FSTL5: variants seen among roughly 807,000 people sequenced by gnomAD.
FSTL5 encodes follistatin-related protein 5.
FSTL5 carries 62 observed loss-of-function variants against 89.1 expected under a neutral mutation model. That is an observed-to-expected ratio of 0.70 (90% CI 0.57 to 0.86). The LOEUF is 0.86. Ranked by LOEUF, FSTL5 falls within the 40% of genes least tolerant of loss-of-function variation. The pLI is 0.00. For missense variants in FSTL5, 1,057 were observed against 1,001.6 expected (o/e 1.06, Z -0.75); for synonymous variants, 383 against 346.2 (o/e 1.11, Z -1.18).
At chr4:162,142,586 C>G in intron 1 of FSTL5, among the ~76,000 whole-genome samples, 1 of 151,930 alleles carries the variant, frequency 6.6e-6, no homozygotes, top group African/African-American at 2.4e-5. Context: ...ACAATAGCAC[C>G]ATTCTTTCAT....
intron 3 of FSTL5, among the ~76,000 whole-genome samples, chr4:161,985,534 T>A (rs359488): frequency 0.57 from 87,063 of 151,606 alleles, 25,486 homozygotes; most frequent in Non-Finnish European, 0.62. Context: ...AAATACAATG[T>A]CTCCAAGTTT....
intron 3 of FSTL5, among the ~76,000 whole-genome samples, chr4:161,984,479 G>A (rs908305372): frequency 2.0e-5 from 3 of 152,152 alleles, no homozygotes; most frequent in Admixed American, 6.6e-5. Flanking sequence ...ATCTCGACGA[G>A]AAGGTATAAA....
intron 6 of FSTL5, among the ~76,000 whole-genome samples, chr4:161,682,069 A>G (rs1292070974): frequency 6.6e-6 from 1 of 152,188 alleles, no homozygotes; most frequent in African/African-American, 2.4e-5. Flanking sequence ...AACACAATGG[A>G]CAGCATTTGT....
intron 13 of FSTL5, 129 bp from the exon 14 acceptor site, chr4:161,459,448 T>A (rs1257615911): frequency 1.8e-6 from 1 of 551,728 alleles, no homozygotes; most frequent in Non-Finnish European, 3.2e-6. Context: ...ATAATTTCCT[T>A]AGCCCTTATT....
intron 2 of FSTL5, among the ~76,000 whole-genome samples, chr4:162,092,210 T>G (rs1313125133): frequency 6.6e-6 from 1 of 152,168 alleles, no homozygotes; most frequent in African/African-American, 2.4e-5. Flanking sequence ...TATTGAAATG[T>G]ACCAGGCATC....
At chr4:162,107,491 C>T (rs1731269365) in intron 2 of FSTL5, among the ~76,000 whole-genome samples, 1 of 152,092 alleles carries the variant, frequency 6.6e-6, no homozygotes, top group Admixed American at 6.6e-5. Flanking sequence ...CACAAATGCA[C>T]AAGACTGTCA....
rs559887307 is a variant in FSTL5, at chr4:161,550,044, A to G, written c.1016-7351T>C. On this transcript the variant is annotated intron_variant, in intron 8 of 15. Transcript: ENST00000306100. ...GGCCTGTTAGTTCCCTTTCCCAGCT[A>G]TACTCTGGGAATATTAAACTAGCTT... 2.7e-3 allele frequency among the ~76,000 whole-genome samples: 409 copies of G among 151,990 alleles called. 1 individual carries two copies. The highest frequency in any genetic ancestry group is 9.6e-3 in the African/African-American group (399 of 41,518).
intron 10 of FSTL5, among the ~76,000 whole-genome samples, chr4:161,512,460 A>G (rs1270290973): frequency 6.6e-6 from 1 of 152,090 alleles, no homozygotes; most frequent in Non-Finnish European, 1.5e-5. Flanking sequence ...TGTTGGGTGG[A>G]TTAGACATTG....
chr4:161,391,087 C>T (rs1029291857), intron 15 of FSTL5, among the ~76,000 whole-genome samples: 4 of 152,126 alleles, frequency 2.6e-5, no homozygotes, highest in African/African-American at 9.7e-5. Flanking sequence ...ACACTCTATC[C>T]TGTTATAAAA....
intron 3 of FSTL5, among the ~76,000 whole-genome samples, chr4:162,002,206 C>T (rs1309651918): frequency 6.6e-6 from 1 of 152,094 alleles, no homozygotes. Flanking sequence ...TGTTTCATAG[C>T]TACAATTAGC....
rs140423809 is a variant in FSTL5 at position 162,088,787 on chromosome 4, C to A, written c.126+22484G>T. On this transcript the variant is annotated intron_variant, in intron 2 of 15. Coordinates refer to ENST00000306100, the MANE Select transcript of FSTL5 (RefSeq NM_020116.5). ...TTTCTCCAGAACTATAAATGAGTAA[C>A]ATTTATAGTTCTCAAATGTTTAAGT... Among the ~76,000 whole-genome samples, 402 of 152,134 alleles carry A rather than the reference C, an allele frequency of 2.6e-3. 2 individuals carry two copies. The highest frequency in any genetic ancestry group is 9.3e-3 in the African/African-American group (387 of 41,518).
chr4:161,825,784 C>T (rs572593487), intron 4 of FSTL5, among the ~76,000 whole-genome samples: 2 of 152,012 alleles, frequency 1.3e-5, no homozygotes, highest in African/African-American at 2.4e-5. Context: ...CTCTTCCTTA[C>T]CTAGTTAATC....
intron 15 of FSTL5, among the ~76,000 whole-genome samples, chr4:161,423,820 T>C (rs1051772271): frequency 2.0e-5 from 3 of 151,712 alleles, no homozygotes; most frequent in Non-Finnish European, 2.9e-5. Context: ...CAAGGCTTGA[T>C]CTTTCCTAGT....
At chr4:161,655,697 T>A (rs1285086253) in intron 7 of FSTL5, among the ~76,000 whole-genome samples, 1 of 152,162 alleles carries the variant, frequency 6.6e-6, no homozygotes, top group Non-Finnish European at 1.5e-5. Flanking sequence ...CTGTGAATTA[T>A]TTCATATAAA....
chr4:161,396,121 T>TAAA (rs11417337), intron 15 of FSTL5, among the ~76,000 whole-genome samples: 3 of 144,872 alleles, frequency 2.1e-5, no homozygotes, highest in East Asian at 2.0e-4. Context: ...TCATTGATCA[T>TAAA]AAAAAAAAAA....
chr4:161,390,743 C>T (rs1035004350), intron 15 of FSTL5, among the ~76,000 whole-genome samples: 14 of 151,920 alleles, frequency 9.2e-5, no homozygotes, highest in Admixed American at 2.6e-4. Flanking sequence ...CATTAAAGCT[C>T]GTAAGTATAG....
intron 2 of FSTL5, among the ~76,000 whole-genome samples, chr4:162,034,878 A>G (rs1013788964): frequency 6.6e-6 from 1 of 152,148 alleles, no homozygotes; most frequent in African/African-American, 2.4e-5. Flanking sequence ...TAATTCTGTT[A>G]GACTTTAAAA....
intron 4 of FSTL5, among the ~76,000 whole-genome samples, chr4:161,806,401 A>G (rs1388979865): frequency 1.3e-5 from 2 of 152,156 alleles, no homozygotes; most frequent in Non-Finnish European, 2.9e-5. Flanking sequence ...AAGCACTCTA[A>G]TAAGGATCAA....
intron 6 of FSTL5, among the ~76,000 whole-genome samples, chr4:161,688,082 C>T (rs6824791): frequency 0.93 from 141,358 of 152,194 alleles, 65,971 homozygotes; most frequent in East Asian, 0.99. Flanking sequence ...ATTTTTGTTT[C>T]TGTTTTGTTT....
Sources: gnomAD v4.1 joint callset for allele counts (sites outside exome capture counted in the v4.1 genomes callset) on GRCh38, gnomAD v4.1.1 for gene constraint, MANE v1.5 for transcripts, NCBI Gene and HGNC (gene_info 2026-07-23, HGNC 2026-07-21) for gene names.